Variants in STX7 observed in about 807,000 individuals in gnomAD.
The protein encoded by STX7 is syntaxin-7.
A neutral mutation model predicts 39.6 loss-of-function variants in STX7; 34 were observed. The observed-to-expected ratio is 0.86, with a 90% CI of 0.65 to 1.14. STX7 has a LOEUF of 1.14. Ranked by LOEUF, STX7 falls within the 50% of genes most tolerant of loss-of-function variation. STX7 has a pLI of 0.00. For missense variants in STX7, 284 were observed against 310.4 expected (o/e 0.92, Z 0.64); for synonymous variants, 119 against 99.1 (o/e 1.20, Z -1.19).
chr6:132,506,080 T>C (rs199917371), intron 1 of STX7, among the ~76,000 whole-genome samples: 1 of 140,330 alleles, frequency 7.1e-6, no homozygotes, highest in Non-Finnish European at 1.6e-5. Flanking sequence ...TGTCAACATA[T>C]AAAAAAAAAA....
At chr6:132,504,924 C>T (rs1033457978) in intron 1 of STX7, among the ~76,000 whole-genome samples, 4 of 152,078 alleles carry the variant, frequency 2.6e-5, no homozygotes, top group African/African-American at 4.8e-5. Context: ...ACCCAGAGCA[C>T]GTGGAAAGGC....
chr6:132,471,479 GCTCTTACTCGAGCAACAAA>G lies in STX7; in HGVS notation c.352_370del (p.Phe118ProfsTer71). ...AATACTTACAGACACTCTGGAACTG[GCTCTTACTCGAGCAACAAA>G]CTCTTTCTCTCGCTCAGCAGCCTGC... On this transcript the variant is annotated frameshift_variant, in exon 5 of 10. Coordinates refer to ENST00000367941, the MANE Select transcript of STX7 (RefSeq NM_003569.3). LOFTEE classifies it high-confidence loss of function. 6.2e-7 allele frequency: 1 copy of G among 1,613,744 alleles called. No individual in the cohort carries two copies. Among genetic ancestry groups the G allele is most frequent in the Non-Finnish European group, 8.5e-7 (1 of 1,179,842 alleles).
chr6:132,449,742 A>G lies in STX7; in HGVS notation c.*11016T>C, dbSNP rs1245334214. On this transcript the variant is annotated 3_prime_UTR_variant, in exon 10 of 10. Coordinates refer to ENST00000367941, the MANE Select transcript of STX7 (RefSeq NM_003569.3). ...TGGTTCTTTTTAATATCTGCCTTTT[A>G]ACACATCTCTCATTTCATGTTCGTT... 2 of 152,176 alleles carry G rather than the reference A, an allele frequency of 1.3e-5. No homozygotes were observed. Among genetic ancestry groups the G allele is most frequent in the African/African-American group, 4.8e-5 (2 of 41,438 alleles). 9.4% of individuals were successfully genotyped at this position (152,176 alleles called of 1,614,324 possible).
rs1231120450 is a variant in STX7 at position 132,453,049 on chromosome 6, A to C, written c.*7709T>G. On this transcript the variant is annotated 3_prime_UTR_variant, in exon 10 of 10. Transcript: ENST00000367941. Reference sequence around the variant, plus strand: ...TAATGGAAAAGAATAGAAAACCCAGATATAGACCCACACGAATGTGCCCAA... The same window carrying C: ...TAATGGAAAAGAATAGAAAACCCAGCTATAGACCCACACGAATGTGCCCAA... The C allele has an allele frequency of 1.3e-5, 2 of 152,136 alleles. No individual in the cohort carries two copies. The highest frequency in any genetic ancestry group is 1.5e-5 in the Non-Finnish European group (1 of 67,970). 9.4% of individuals were successfully genotyped at this position (152,136 alleles called of 1,614,324 possible).
At chr6:132,477,068 T>C (rs1219901971) in intron 2 of STX7, among the ~76,000 whole-genome samples, 1 of 152,156 alleles carries the variant, frequency 6.6e-6, no homozygotes, top group Non-Finnish European at 1.5e-5. Context: ...AATGATGTAA[T>C]AAATACTGCT....
intron 2 of STX7, among the ~76,000 whole-genome samples, chr6:132,487,437 T>C (rs1296733654): frequency 6.6e-6 from 1 of 151,946 alleles, no homozygotes; most frequent in Non-Finnish European, 1.5e-5. Flanking sequence ...TGAGAACACA[T>C]GGACACAGGG....
In STX7 at chr6:132,451,843, A is replaced by T. The variant is rs1324612252; in HGVS notation, c.*8915T>A. The T allele has an allele frequency of 1.3e-5, 2 of 152,206 alleles. No individual in the cohort carries two copies. Among genetic ancestry groups the T allele is most frequent in the African/African-American group, 4.8e-5 (2 of 41,452 alleles). The allele number at this position is 152,206 out of a possible 1,614,324, so 9.4% of individuals were successfully genotyped here. A position where few individuals can be genotyped will look rare whatever the true frequency, so the allele number is the denominator to read the frequency against. On this transcript the variant is annotated 3_prime_UTR_variant, in exon 10 of 10. Coordinates refer to ENST00000367941, the MANE Select transcript of STX7 (RefSeq NM_003569.3). ...GATGATTTCATTGGAAAGTTCTATC[A>T]AATGTTTTAAAAAGCGCTGACACCA...
intron 3 of STX7, chr6:132,475,289 A>C (rs1774845126): frequency 5.9e-6 from 1 of 169,690 alleles, no homozygotes. Context: ...ACGCCTGGCT[A>C]ATTTTTTTAT....
In STX7 at chr6:132,451,592, T is replaced by C. The variant is rs1238403244; in HGVS notation, c.*9166A>G. 1 of 152,038 alleles carries C rather than the reference T, an allele frequency of 6.6e-6. No individual in the cohort carries two copies. The highest frequency in any genetic ancestry group is 1.5e-5 in the Non-Finnish European group (1 of 68,004). The allele number at this position is 152,038 out of a possible 1,614,324, so 9.4% of individuals were successfully genotyped here. ...AGGAGTGCTCTAAACAGAAAGGAAA[T>C]GATAAATGAAGGAGTTTTGGAATAT... On this transcript the variant is annotated 3_prime_UTR_variant, in exon 10 of 10. Transcript: ENST00000367941.
At chr6:132,484,055 A>G (rs1775072187) in intron 2 of STX7, among the ~76,000 whole-genome samples, 1 of 152,230 alleles carries the variant, frequency 6.6e-6, no homozygotes, top group Admixed American at 6.5e-5. Flanking sequence ...AGTTTCTTGA[A>G]GAAAAGTTCA....
chr6:132,494,181 A>G (rs1775365497), intron 2 of STX7, among the ~76,000 whole-genome samples: 1 of 152,196 alleles, frequency 6.6e-6, no homozygotes, highest in Non-Finnish European at 1.5e-5. Flanking sequence ...AGGATTAATT[A>G]AAATCATTTA....
rs1775625896 is a variant in STX7 at position 132,503,432 on chromosome 6, A to C, written c.85+14T>G. 4 of 1,610,406 alleles carry C rather than the reference A, an allele frequency of 2.5e-6. No individual in the cohort carries two copies. The highest frequency in any genetic ancestry group is 3.4e-6 in the Non-Finnish European group (4 of 1,176,784). ...TGGATACAAATAGTGAAGTCCATTT[A>C]AAACTCAACTCACAACACTGTGTGA... On this transcript the variant is annotated intron_variant, in intron 2 of 9. Transcript: ENST00000367941.
rs1040386749 is a variant in STX7, at chr6:132,460,018, T to A, written c.*740A>T. On this transcript the variant is annotated 3_prime_UTR_variant, in exon 10 of 10. Coordinates refer to ENST00000367941, the MANE Select transcript of STX7 (RefSeq NM_003569.3). ...ACGCAATAGGTATTGGTATTGGTTG[T>A]TCATACTCTTCTTCCAAATTATGTT... The A allele has an allele frequency of 6.6e-6, 1 of 152,200 alleles. No homozygotes were observed. Among genetic ancestry groups the A allele is most frequent in the East Asian group, 1.9e-4 (1 of 5,198 alleles). The allele number at this position is 152,200 out of a possible 1,614,324, so 9.4% of individuals were successfully genotyped here.
Position 132,470,063 on chromosome 6 carries a change from G to C in STX7, c.441-16C>G, listed in dbSNP as rs1335446057. On this transcript the variant is annotated splice_polypyrimidine_tract_variant and intron_variant, in intron 6 of 9. Coordinates refer to ENST00000367941, the MANE Select transcript of STX7 (RefSeq NM_003569.3). ...TTGAGTTTGGCTAACAGAAAAAAAT[G>C]AATGTGGAAAAAAACAAAGATTGGT... 1 of 1,559,780 alleles carries C rather than the reference G, an allele frequency of 6.4e-7. No homozygotes were observed. The highest frequency in any genetic ancestry group is 8.6e-7 in the Non-Finnish European group (1 of 1,159,930).
At chr6:132,484,893 T>C (rs1170599202) in intron 2 of STX7, among the ~76,000 whole-genome samples, 1 of 152,146 alleles carries the variant, frequency 6.6e-6, no homozygotes, top group Non-Finnish European at 1.5e-5. Flanking sequence ...GTCATAAACT[T>C]TAACCGAGAA....
chr6:132,513,263 T>C (rs1415726016), upstream of STX7: 2 of 152,312 alleles, frequency 1.3e-5, no homozygotes, highest in East Asian at 1.9e-4. Context: ...AGCTGTTCTT[T>C]GAAGCCTGAC....
At chr6:132,471,691 T>G in intron 4 of STX7, 91 bp from the exon 5 acceptor site, 1 of 1,448,546 alleles carries the variant, frequency 6.9e-7, no homozygotes, top group Non-Finnish European at 9.4e-7. Context: ...ACCCTGAAGT[T>G]TTCACTTACT....
Position 132,468,332 on chromosome 6 carries a change from T to A in STX7, c.610+71A>T, listed in dbSNP as rs1774614973. ...GGGACAGAAAGTGGTTACTCTTCTGTGAGAAAGTTACAGCAGGTAAAGTGC... is the reference window on the plus strand; with the variant it reads ...GGGACAGAAAGTGGTTACTCTTCTGAGAGAAAGTTACAGCAGGTAAAGTGC... On this transcript the variant is annotated intron_variant, in intron 8 of 9. Coordinates refer to ENST00000367941, the MANE Select transcript of STX7 (RefSeq NM_003569.3). 2.5e-6 allele frequency: 3 copies of A among 1,210,512 alleles called. No homozygotes were observed. The Admixed American group carries it at 5.7e-5, about 23-fold the overall frequency. The allele number at this position is 1,210,512 out of a possible 1,614,324, so 75.0% of individuals were successfully genotyped here. A position where few individuals can be genotyped will look rare whatever the true frequency, so the allele number is the denominator to read the frequency against.
At chr6:132,488,114 A>G (rs1200606919) in intron 2 of STX7, among the ~76,000 whole-genome samples, 1 of 152,210 alleles carries the variant, frequency 6.6e-6, no homozygotes, top group Non-Finnish European at 1.5e-5. Context: ...AATATTTTCC[A>G]ATTCCTCTTT....
Sources: allele counts gnomAD v4.1 joint callset (sites outside exome capture counted in the v4.1 genomes callset), GRCh38; gene constraint gnomAD v4.1.1; transcripts MANE v1.5; gene names NCBI Gene and HGNC (gene_info 2026-07-23, HGNC 2026-07-21).